Variants in ARHGEF38 observed in about 807,000 individuals in gnomAD.
ARHGEF38 encodes Rho guanine nucleotide exchange factor (GEF) 38.
Under a neutral mutation model 79.9 loss-of-function variants are expected in ARHGEF38, and 79 were observed. The observed-to-expected ratio is 0.99, with a 90% CI of 0.82 to 1.19. The LOEUF is 1.19. Among genes scored for constraint, ARHGEF38 ranks in the 50% most tolerant of loss-of-function variants. The pLI, the probability that ARHGEF38 is intolerant of heterozygous loss-of-function variation, is 0.00. For synonymous variants in ARHGEF38, 366 were observed against 328.3 expected, an observed-to-expected ratio of 1.11 and a Z score of -1.24; for missense variants, 962 against 907.2, an observed-to-expected ratio of 1.06 and a Z score of -0.78.
At chr4:105,651,279 AATCAGCTGCATAG>A (rs1730092683) in intron 7 of ARHGEF38, among the ~76,000 whole-genome samples, 2 of 152,252 alleles carry the variant, frequency 1.3e-5, no homozygotes, top group Non-Finnish European at 2.9e-5. Flanking sequence ...TTAATCAGAA[AATCAGCTGCATAG>A]GCTGGACGGG....
At chr4:105,673,348 C>T (rs1467199566) in intron 13 of ARHGEF38, among the ~76,000 whole-genome samples, 1 of 152,042 alleles carries the variant, frequency 6.6e-6, no homozygotes, top group Non-Finnish European at 1.5e-5. Context: ...GGCTAAAACC[C>T]AGTTTTGGGG....
At chr4:105,672,884 A>G (rs1731001903) in intron 13 of ARHGEF38, among the ~76,000 whole-genome samples, 1 of 152,194 alleles carries the variant, frequency 6.6e-6, no homozygotes, top group African/African-American at 2.4e-5. Flanking sequence ...GGCTGCTCTC[A>G]AATCCTTGCC....
chr4:105,679,387 A>G lies in ARHGEF38; in HGVS notation c.*1450A>G. 2 of 1,347,778 alleles carry G rather than the reference A, an allele frequency of 1.5e-6. No individual in the cohort carries two copies. The highest frequency in any genetic ancestry group is 2.1e-6 in the Non-Finnish European group (2 of 940,482). 83.5% of individuals were successfully genotyped at this position (1,347,778 alleles called of 1,614,324 possible). A position where few individuals can be genotyped will look rare whatever the true frequency, so the allele number is the denominator to read the frequency against. On this transcript the variant is annotated 3_prime_UTR_variant, in exon 14 of 14. Coordinates refer to ENST00000420470, the MANE Select transcript of ARHGEF38 (RefSeq NM_001242729.2). ...AGGAGGCACACTCTGGTAATCTGAG[A>G]CACTGCATTACTATTCAGCTTTCTA...
chr4:105,580,223 G>C, intron 1 of ARHGEF38, among the ~76,000 whole-genome samples: 1 of 152,046 alleles, frequency 6.6e-6, no homozygotes, highest in East Asian at 1.9e-4. Flanking sequence ...CTTCTATTCA[G>C]CTCTGATTTT....
intron 1 of ARHGEF38, among the ~76,000 whole-genome samples, chr4:105,569,057 A>C (rs1342362801): frequency 6.6e-6 from 1 of 152,182 alleles, no homozygotes; most frequent in Non-Finnish European, 1.5e-5. Context: ...ACAATATCAG[A>C]GGGGAACCTT....
intron 13 of ARHGEF38, among the ~76,000 whole-genome samples, chr4:105,670,547 T>A (rs140770556): frequency 3.3e-4 from 51 of 152,316 alleles, no homozygotes; most frequent in African/African-American, 1.2e-3. Context: ...AGTTTTTTTT[T>A]AATCAGATAT....
chr4:105,615,873 G>T (rs1167159022), intron 3 of ARHGEF38, among the ~76,000 whole-genome samples: 1 of 152,126 alleles, frequency 6.6e-6, no homozygotes, highest in Non-Finnish European at 1.5e-5. Flanking sequence ...AAATGATGCT[G>T]TTTGGATATG....
chr4:105,666,728 T>A lies in ARHGEF38; in HGVS notation c.1690-401T>A, dbSNP rs1049815327. ...GCTGAGGGGGGGAGTATAAGCGTCTTGATTCTTGTCTAATTTGCTGATGAT... is the reference window on the plus strand; with the variant it reads ...GCTGAGGGGGGGAGTATAAGCGTCTAGATTCTTGTCTAATTTGCTGATGAT... On this transcript the variant is annotated intron_variant, in intron 11 of 13. Transcript: ENST00000420470. Among the ~76,000 whole-genome samples, 30 of 152,166 alleles carry A rather than the reference T, an allele frequency of 2.0e-4. 1 individual carries two copies. The highest frequency in any genetic ancestry group is 5.9e-5 in the Non-Finnish European group (4 of 68,036).
At chr4:105,568,023 A>G (rs1426676071) in intron 1 of ARHGEF38, among the ~76,000 whole-genome samples, 1 of 143,764 alleles carries the variant, frequency 7.0e-6, no homozygotes, top group Non-Finnish European at 1.5e-5. Context: ...ATGAGTGAGA[A>G]TATGCGGTGT....
At chr4:105,582,790 CTT>C (rs1726859842) in intron 1 of ARHGEF38, among the ~76,000 whole-genome samples, 2 of 152,302 alleles carry the variant, frequency 1.3e-5, no homozygotes, top group South Asian at 4.1e-4. Flanking sequence ...ACCTTCAACT[CTT>C]TCACTTTTTG....
intron 13 of ARHGEF38, among the ~76,000 whole-genome samples, chr4:105,672,407 AG>A (rs1730985543): frequency 6.6e-6 from 1 of 152,200 alleles, no homozygotes; most frequent in African/African-American, 2.4e-5. Context: ...AATGGGGATG[AG>A]CTAGTGGATA....
intron 3 of ARHGEF38, among the ~76,000 whole-genome samples, chr4:105,623,355 G>T (rs894479043): frequency 3.3e-5 from 5 of 152,164 alleles, no homozygotes; most frequent in African/African-American, 9.7e-5. Flanking sequence ...CAATGTCATT[G>T]CCAGAGATTG....
At chr4:105,664,090 C>G (rs1032641239) in intron 10 of ARHGEF38, among the ~76,000 whole-genome samples, 3 of 152,100 alleles carry the variant, frequency 2.0e-5, no homozygotes, top group Non-Finnish European at 4.4e-5. Context: ...GTGAATAATG[C>G]TGCAATGACC....
At chr4:105,668,149 A>G (rs764819351) in intron 13 of ARHGEF38, among the ~76,000 whole-genome samples, 1 of 152,066 alleles carries the variant, frequency 6.6e-6, no homozygotes, top group Non-Finnish European at 1.5e-5. Flanking sequence ...AATCTCATGT[A>G]TAATACCACA....
chr4:105,610,244 G>A (rs941395729), intron 2 of ARHGEF38, among the ~76,000 whole-genome samples: 1 of 151,928 alleles, frequency 6.6e-6, no homozygotes, highest in Non-Finnish European at 1.5e-5. Flanking sequence ...TAGAGGATGG[G>A]TTAATAGGTG....
At chr4:105,639,367 C>T (rs1344798153) in intron 5 of ARHGEF38, among the ~76,000 whole-genome samples, 1 of 151,768 alleles carries the variant, frequency 6.6e-6, no homozygotes, top group Non-Finnish European at 1.5e-5. Flanking sequence ...TGTTTTTAAT[C>T]TATAAAATTT....
At chr4:105,573,765 A>AC (rs1726350680) in intron 1 of ARHGEF38, among the ~76,000 whole-genome samples, 1 of 152,040 alleles carries the variant, frequency 6.6e-6, no homozygotes, top group South Asian at 2.1e-4. Context: ...TACAAAAAAA[A>AC]ATTGGAATTT....
chr4:105,642,520 T>C (rs1358801207), intron 5 of ARHGEF38, among the ~76,000 whole-genome samples: 1 of 152,172 alleles, frequency 6.6e-6, no homozygotes, highest in African/African-American at 2.4e-5. Context: ...TTGATAGATC[T>C]GGATAAGAAA....
rs1375005113 is a variant in ARHGEF38 at position 105,659,431 on chromosome 4, T to C, written c.1545+66T>C. 4.2e-6 allele frequency: 6 copies of C among 1,435,388 alleles called. No homozygotes were observed. The Middle Eastern group carries it at 9.9e-4, about 237-fold the overall frequency. 88.9% of individuals were successfully genotyped at this position (1,435,388 alleles called of 1,614,324 possible). The stretch of plus-strand genomic sequence containing the variant: ...CTGGATCTGCTAGAAACCACACCCA[T>C]ACGAAAGCCCTGTTCAGAGTGTGCA... On this transcript the variant is annotated intron_variant, in intron 10 of 13. Coordinates refer to ENST00000420470, the MANE Select transcript of ARHGEF38 (RefSeq NM_001242729.2).
Sources: gnomAD v4.1 joint callset for allele counts (sites outside exome capture counted in the v4.1 genomes callset) on GRCh38, gnomAD v4.1.1 for gene constraint, MANE v1.5 for transcripts, NCBI Gene and HGNC (gene_info 2026-07-23, HGNC 2026-07-21) for gene names.